BAZ2B: variants seen among roughly 807,000 people sequenced by gnomAD.
The protein encoded by BAZ2B is bromodomain adjacent to zinc finger domain protein 2B.
BAZ2B carries 91 observed loss-of-function variants against 246.0 expected under a neutral mutation model. That is an observed-to-expected ratio of 0.37 (90% CI 0.31 to 0.44). The LOEUF (loss-of-function observed/expected upper bound fraction) is 0.44. BAZ2B is among the 20% of genes least tolerant of loss of function. BAZ2B has a pLI of 1.00. For missense variants in BAZ2B, 2,332 were observed against 2,533.7 expected (o/e 0.92, Z 1.71); for synonymous variants, 855 against 860.0 (o/e 0.99, Z 0.10).
At chr2:159,366,218 A>G (rs1408992132) in intron 27 of BAZ2B, among the ~76,000 whole-genome samples, 2 of 152,314 alleles carry the variant, frequency 1.3e-5, no homozygotes, top group East Asian at 3.9e-4. Flanking sequence ...GAGAACCCCA[A>G]AGCAGCATAA....
At chr2:159,542,168 C>A (rs559337936) in intron 2 of BAZ2B, among the ~76,000 whole-genome samples, 1 of 152,210 alleles carries the variant, frequency 6.6e-6, no homozygotes, top group African/African-American at 2.4e-5. Context: ...CAAAAGTGAA[C>A]AGAGCCTATG....
At chr2:159,564,725 A>G (rs1470918696) in intron 1 of BAZ2B, among the ~76,000 whole-genome samples, 1 of 152,176 alleles carries the variant, frequency 6.6e-6, no homozygotes, top group Non-Finnish European at 1.5e-5. Context: ...TGGTAGTGGT[A>G]ATAGTAGTAA....
chr2:159,626,559 GA>G, the BAZ2B span, among the ~76,000 whole-genome samples: 1 of 152,152 alleles, frequency 6.6e-6, no homozygotes, highest in South Asian at 2.1e-4. Context: ...TGAACAACCT[GA>G]ATGAATACTG....
chr2:159,523,571 G>A (rs2084385455), intron 2 of BAZ2B, among the ~76,000 whole-genome samples: 1 of 152,096 alleles, frequency 6.6e-6, no homozygotes, highest in African/African-American at 2.4e-5. Flanking sequence ...GGGCATGGTG[G>A]CGCATGCCTG....
intron 2 of BAZ2B, among the ~76,000 whole-genome samples, chr2:159,532,960 A>G (rs2151328734): frequency 6.6e-6 from 1 of 152,354 alleles, no homozygotes; most frequent in African/African-American, 2.4e-5. Context: ...TGCGAAAAAC[A>G]AAATCATGAC....
At chr2:159,656,456 T>A in the BAZ2B span, among the ~76,000 whole-genome samples, 1 of 152,152 alleles carries the variant, frequency 6.6e-6, no homozygotes, top group African/African-American at 2.4e-5. Context: ...GTTTCACGAT[T>A]CTAAAAATTT....
At chr2:159,519,325 G>A (rs2083841573) in intron 2 of BAZ2B, among the ~76,000 whole-genome samples, 1 of 140,490 alleles carries the variant, frequency 7.1e-6, no homozygotes, top group South Asian at 2.3e-4. Context: ...CGCTTCCCGG[G>A]TTCACGCCAT....
intron 24 of BAZ2B, 121 bp from the exon 25 acceptor site, chr2:159,382,923 T>C (rs1174439861): frequency 1.1e-5 from 14 of 1,289,568 alleles, no homozygotes; most frequent in East Asian, 2.5e-5. Context: ...TTAAGCGATA[T>C]ACCAATGTTA....
chr2:159,637,583 C>T, the BAZ2B span, among the ~76,000 whole-genome samples: 2 of 151,966 alleles, frequency 1.3e-5, no homozygotes, highest in African/African-American at 4.8e-5. Context: ...TTATTTTTTT[C>T]GAGACCCTCT....
In BAZ2B at chr2:159,386,461, A is replaced by T. The variant is rs532285305; in HGVS notation, c.3363T>A (p.Leu1121=). The change falls in exon 22 of 37, where the codon CTT becomes CTA. Residue 1121 remains leucine, a synonymous_variant. Transcript: ENST00000392783. The part of the protein sequence containing the change: ...VNIDVPNLSV[L]QEGLLNIGDS... Reference sequence around the variant, plus strand: ...CCCCTATATTTAGCAATCCCTCTTGAAGAACACTCAGGTTTGGAACATCAA... The same window carrying T: ...CCCCTATATTTAGCAATCCCTCTTGTAGAACACTCAGGTTTGGAACATCAA... The T allele has an allele frequency of 1.2e-6, 2 of 1,613,678 alleles. No individual in the cohort carries two copies.
intron 27 of BAZ2B, among the ~76,000 whole-genome samples, chr2:159,351,499 T>C (rs910160291): frequency 2.0e-5 from 3 of 152,096 alleles, no homozygotes; most frequent in Non-Finnish European, 4.4e-5. Context: ...AAAACTAAGA[T>C]GTGTACTTTT....
intron 1 of BAZ2B, among the ~76,000 whole-genome samples, chr2:159,571,535 C>T (rs1003870937): frequency 6.6e-6 from 1 of 152,088 alleles, no homozygotes; most frequent in African/African-American, 2.4e-5. Context: ...AAAAACCAAC[C>T]ACATGATTAG....
chr2:159,621,223 C>T (rs1696417675), upstream of BAZ2B, among the ~76,000 whole-genome samples: 1 of 152,108 alleles, frequency 6.6e-6, no homozygotes, highest in Non-Finnish European at 1.5e-5. Context: ...TTATCAGAAT[C>T]AACTGTAGAG....
chr2:159,570,172 GT>G (rs34983759), intron 1 of BAZ2B, among the ~76,000 whole-genome samples: 54 of 102,524 alleles, frequency 5.3e-4, no homozygotes, highest in Non-Finnish European at 7.9e-4. Flanking sequence ...TTTCATTAAA[GT>G]TTTTTTTTGT....
Position 159,348,768 on chromosome 2 carries a change from G to A in BAZ2B, c.5203C>T (p.His1735Tyr). ...GCCTTTTCTCTTATTCCTCTGAGAT[G>A]CAGCACTTTGAGCAAAGCTTTTAGG... is the stretch of plus-strand genomic sequence containing the variant. The part of the protein sequence containing the change: ...EDLKALLKVL[H>Y]LRGIREKALQ... Residue 1735 changes from histidine to tyrosine, a missense_variant, in exon 30 of 37, where the codon CAT (histidine) becomes TAT (tyrosine). Around this residue, in one of 9 missense-constraint regions of BAZ2B, gnomAD observed 676 missense variants for 668.6 expected, o/e 1.01. Coordinates refer to ENST00000392783, the MANE Select transcript of BAZ2B (RefSeq NM_013450.4). 1 of 1,613,318 alleles carries A rather than the reference G, an allele frequency of 6.2e-7. No homozygotes were observed. Among genetic ancestry groups the A allele is most frequent in the Non-Finnish European group, 8.5e-7 (1 of 1,179,782 alleles).
chr2:159,393,045 G>T (rs2063537425), intron 20 of BAZ2B, among the ~76,000 whole-genome samples: 1 of 136,898 alleles, frequency 7.3e-6, no homozygotes, highest in Admixed American at 7.2e-5. Flanking sequence ...CAACAAATAG[G>T]AACCATGTGA....
At chr2:159,469,444 ATTT>A (rs1242349852) in intron 3 of BAZ2B, among the ~76,000 whole-genome samples, 1 of 151,844 alleles carries the variant, frequency 6.6e-6, no homozygotes, top group Admixed American at 6.6e-5. Flanking sequence ...TTATTTATTT[ATTT>A]ATTTTTGAGA....
At chr2:159,694,756 C>T in the BAZ2B span, 2 of 152,174 alleles carry the variant, frequency 1.3e-5, no homozygotes, top group Admixed American at 1.3e-4. Context: ...TCAGTTGTTT[C>T]CACATTTTGA....
chr2:159,573,894 G>A (rs1321211849), intron 1 of BAZ2B, among the ~76,000 whole-genome samples: 1 of 152,150 alleles, frequency 6.6e-6, no homozygotes, highest in Non-Finnish European at 1.5e-5. Context: ...GAGCCCAAGA[G>A]TTCAAGACCA....
Sources: gnomAD v4.1 joint callset for allele counts (sites outside exome capture counted in the v4.1 genomes callset) on GRCh38, gnomAD v4.1.1 for gene constraint, gnomAD v4.1.1 regional missense constraint, MANE v1.5 for transcripts, NCBI Gene and HGNC (gene_info 2026-07-23, HGNC 2026-07-21) for gene names.